The following MAML3 variants were observed in gnomAD, a reference collection of about 807,000 sequenced individuals.
MAML3 encodes the protein mastermind like transcriptional coactivator 3.
In MAML3, 27 loss-of-function variants were observed where a neutral mutation model predicts 101.9. The ratio of observed to expected loss-of-function variants is 0.27; its 90% CI spans 0.20 to 0.37. MAML3 has a LOEUF of 0.37. Among genes scored for constraint, MAML3 ranks in the 10% least tolerant of loss-of-function variants. The probability of loss-of-function intolerance (pLI) is 1.00; values close to 1 mark genes in which losing one functional copy is unlikely to be tolerated. For synonymous variants in MAML3, 501 were observed against 555.9 expected (o/e 0.90, Z 1.39); for missense variants, 1,316 against 1,444.9 (o/e 0.91, Z 1.45).
intron 1 of MAML3, among the ~76,000 whole-genome samples, chr4:139,954,493 A>G (rs1363696115): frequency 2.0e-5 from 3 of 152,218 alleles, no homozygotes; most frequent in Non-Finnish European, 2.9e-5. Context: ...TCTTCCACCC[A>G]TGACAAGTAC....
chr4:140,027,379 C>A (rs537702302), intron 1 of MAML3, among the ~76,000 whole-genome samples: 1 of 152,204 alleles, frequency 6.6e-6, no homozygotes, highest in South Asian at 2.1e-4. Flanking sequence ...CCCCTTCTCC[C>A]GTGGTATACT....
chr4:139,921,468 G>T (rs772580214), intron 1 of MAML3, among the ~76,000 whole-genome samples: 7 of 152,176 alleles, frequency 4.6e-5, no homozygotes, highest in African/African-American at 7.2e-5. Context: ...CAAGCATAGA[G>T]AGCTTGCTGG....
intron 1 of MAML3, among the ~76,000 whole-genome samples, chr4:140,029,016 C>T (rs950899038): frequency 1.5e-4 from 23 of 152,218 alleles, no homozygotes; most frequent in African/African-American, 5.3e-4. Flanking sequence ...GAGGTGAAAC[C>T]GCTGACCTTG....
intron 4 of MAML3, among the ~76,000 whole-genome samples, chr4:139,724,435 G>A (rs1728384860): frequency 6.6e-6 from 1 of 152,154 alleles, no homozygotes; most frequent in South Asian, 2.1e-4. Flanking sequence ...CTTGTGTGTT[G>A]CAATCTGAGA....
At chr4:140,091,148 T>G (rs1728039650) in intron 1 of MAML3, among the ~76,000 whole-genome samples, 2 of 152,160 alleles carry the variant, frequency 1.3e-5, no homozygotes, top group African/African-American at 4.8e-5. Context: ...CATCTCCATC[T>G]CTGCCTGGTA....
intron 2 of MAML3, among the ~76,000 whole-genome samples, chr4:139,790,003 C>CA (rs1004903193): frequency 1.6e-4 from 24 of 151,804 alleles, no homozygotes; most frequent in African/African-American, 4.6e-4. Context: ...GAATGTAGGA[C>CA]ATTCAGACCT....
At chr4:140,097,154 T>C (rs1279129999) in intron 1 of MAML3, among the ~76,000 whole-genome samples, 1 of 152,124 alleles carries the variant, frequency 6.6e-6, no homozygotes, top group African/African-American at 2.4e-5. Context: ...AACTACCAAA[T>C]ATAGAATGTC....
intron 1 of MAML3, among the ~76,000 whole-genome samples, chr4:140,066,319 A>C (rs1044392295): frequency 6.6e-6 from 1 of 152,222 alleles, no homozygotes; most frequent in Non-Finnish European, 1.5e-5. Flanking sequence ...GAGTAACTAC[A>C]TCATTAAGTA....
chr4:140,093,258 A>C (rs1161459694), intron 1 of MAML3, among the ~76,000 whole-genome samples: 1 of 152,186 alleles, frequency 6.6e-6, no homozygotes, highest in Non-Finnish European at 1.5e-5. Context: ...TTCATTTTTA[A>C]AAAAATTTCT....
At position 140,069,324 on chromosome 4, in the gene MAML3, AAGAAGGAGAAGGAGAAGG is replaced by A. The variant is rs758333245; in HGVS notation, c.468+83518_468+83535del. On this transcript the variant is annotated intron_variant, in intron 1 of 4. Transcript: ENST00000509479. Reference sequence around the variant, plus strand: ...GTGACACAGCAAGACTCTGTCCAAGAAGAAGGAGAAGGAGAAGGAGAAGGAGAAGGAGAAGGAGAAGAA... The same window carrying A: ...GTGACACAGCAAGACTCTGTCCAAGAAGAAGGAGAAGGAGAAGGAGAAGAA... Among the ~76,000 whole-genome samples the A allele has an allele frequency of 3.7e-3, 411 of 110,410 alleles. 3 individuals are homozygous for A. Among genetic ancestry groups the A allele is most frequent in the Non-Finnish European group, 5.9e-3 (307 of 51,630 alleles). The allele number at this position is 110,410 out of a possible 152,430, so 72.4% of individuals were successfully genotyped here. A position where few individuals can be genotyped will look rare whatever the true frequency, so the allele number is the denominator to read the frequency against.
At chr4:139,860,990 A>G (rs1255222128) in intron 2 of MAML3, among the ~76,000 whole-genome samples, 1 of 152,100 alleles carries the variant, frequency 6.6e-6, no homozygotes, top group Non-Finnish European at 1.5e-5. Context: ...ATATACATAG[A>G]TGTATATGAT....
intron 1 of MAML3, among the ~76,000 whole-genome samples, chr4:139,980,734 A>G (rs745514784): frequency 1.3e-5 from 2 of 152,342 alleles, no homozygotes; most frequent in South Asian, 2.1e-4. Context: ...AGCAGTGAGC[A>G]TGACAGCCAA....
At chr4:140,102,739 C>CT (rs1728273653) in intron 1 of MAML3, among the ~76,000 whole-genome samples, 1 of 152,046 alleles carries the variant, frequency 6.6e-6, no homozygotes, top group South Asian at 2.1e-4. Context: ...CCAGGGTAGA[C>CT]ACCCTGGCTC....
At chr4:139,778,584 AG>A (rs1275729235) in intron 2 of MAML3, among the ~76,000 whole-genome samples, 1 of 152,224 alleles carries the variant, frequency 6.6e-6, no homozygotes, top group African/African-American at 2.4e-5. Flanking sequence ...TTCTTCATAA[AG>A]AATCGTTAGA....
At chr4:139,733,388 CCAGCCCGCA>C (rs1728800370) in intron 2 of MAML3, among the ~76,000 whole-genome samples, 1 of 152,190 alleles carries the variant, frequency 6.6e-6, no homozygotes, top group Admixed American at 6.5e-5. Flanking sequence ...TCCTGTGTGA[CCAGCCCGCA>C]CAGCTGGGGA....
intron 2 of MAML3, among the ~76,000 whole-genome samples, chr4:139,770,764 A>G (rs1400386259): frequency 6.6e-6 from 1 of 152,198 alleles, no homozygotes; most frequent in East Asian, 1.9e-4. Flanking sequence ...CTGGCCCCCA[A>G]TAAAATGTTA....
At chr4:139,970,318 A>G (rs1159486151) in intron 1 of MAML3, among the ~76,000 whole-genome samples, 3 of 152,142 alleles carry the variant, frequency 2.0e-5, no homozygotes, top group Non-Finnish European at 4.4e-5. Flanking sequence ...CACAAGCAAA[A>G]GCTGGAAGTA....
chr4:139,729,304 C>T (rs755492466), intron 3 of MAML3, among the ~76,000 whole-genome samples: 1 of 151,926 alleles, frequency 6.6e-6, no homozygotes, highest in Non-Finnish European at 1.5e-5. Context: ...ACAGGATACA[C>T]GGTGGTGGAT....
chr4:139,990,418 T>A lies in MAML3; in HGVS notation c.469-99451A>T, dbSNP rs544892923. Among the ~76,000 whole-genome samples, 11 of 151,248 alleles carry A rather than the reference T, an allele frequency of 7.3e-5. No homozygotes were observed. In the East Asian group the frequency reaches 1.9e-3, roughly 27 times the overall value. On this transcript the variant is annotated intron_variant, in intron 1 of 4. Transcript: ENST00000509479. ...ACGTATCTCAAAATAATAAGAGCTA[T>A]CTATGACAAACCCACAGCCAATATC...
Sources: allele counts gnomAD v4.1 joint callset (sites outside exome capture counted in the v4.1 genomes callset), GRCh38; gene constraint gnomAD v4.1.1; transcripts MANE v1.5; gene names NCBI Gene and HGNC (gene_info 2026-07-23, HGNC 2026-07-21).